CPXCR1: variants seen among roughly 807,000 people sequenced by gnomAD.
The protein encoded by CPXCR1 is CPX chromosome region candidate 1.
A neutral mutation model predicts 13.8 loss-of-function variants in CPXCR1; 15 were observed. The ratio of observed to expected loss-of-function variants is 1.09; its 90% CI spans 0.73 to 1.67. The LOEUF (loss-of-function observed/expected upper bound fraction) is 1.67. CPXCR1 is among the 40% of genes most tolerant of loss of function. The pLI, the probability that CPXCR1 is intolerant of heterozygous loss-of-function variation, is 0.00. For missense variants in CPXCR1, 247 were observed against 223.6 expected, an observed-to-expected ratio of 1.10 and a Z score of -0.67; for synonymous variants, 70 against 76.7, an observed-to-expected ratio of 0.91 and a Z score of 0.46.
At chrX:88,751,967 G>A (rs1296501229) in intron 2 of CPXCR1, among the ~76,000 whole-genome samples, 1 of 111,509 alleles carries the variant, frequency 9.0e-6, no homozygotes, top group African/African-American at 3.3e-5. Flanking sequence ...GCCTATGTTA[G>A]CTCATAAAAA....
chrX:88,752,235 A>T lies in CPXCR1; in HGVS notation c.-8-1172A>T, dbSNP rs747042552. 7.2e-5 allele frequency among the ~76,000 whole-genome samples: 8 copies of T among 111,595 alleles called. No individual in the cohort carries two copies. In the South Asian group the frequency reaches 3.0e-3, roughly 42 times the overall value. On this transcript the variant is annotated intron_variant, in intron 2 of 2. Transcript: ENST00000276127. ...AGCGGGTAAAAGACATAAGGAAAGT[A>T]AAAGGTAAGAGGAGAGGGGTGACAG...
chrX:88,753,447 A>T lies in CPXCR1; in HGVS notation c.33A>T (p.Thr11=). 1 of 1,152,200 alleles carries T rather than the reference A, an allele frequency of 8.7e-7. No individual in the cohort carries two copies. The highest frequency in any genetic ancestry group is 1.8e-5 in the African/African-American group (1 of 55,481). The allele number at this position is 1,152,200 out of a possible 1,213,427, so 95.0% of individuals were successfully genotyped here. The change falls in exon 3 of 3, where the codon ACA becomes ACT. Residue 11 remains threonine (T), a synonymous_variant. Transcript: ENST00000276127. The part of the protein sequence containing the change: MSYPTKEGSD[T]AGNAHKNSEN... ...ATCCTACTAAAGAAGGAAGTGATAC[A>T]GCTGGAAATGCTCACAAAAATTCTG...
Sources: allele counts gnomAD v4.1 joint callset (sites outside exome capture counted in the v4.1 genomes callset), GRCh38; gene constraint gnomAD v4.1.1; transcripts MANE v1.5; gene names NCBI Gene and HGNC (gene_info 2026-07-23, HGNC 2026-07-21).